The following OLAH variants were observed in gnomAD, a reference collection of about 807,000 sequenced individuals.
The protein encoded by OLAH is S-acyl fatty acid synthase thioesterase, medium chain.
Under a neutral mutation model 27.8 loss-of-function variants are expected in OLAH, and 33 were observed. The observed-to-expected ratio is 1.19, with a 90% confidence interval of 0.90 to 1.59. OLAH has a LOEUF of 1.59. OLAH is among the 40% of genes most tolerant of loss of function. The pLI is 0.00. For synonymous variants in OLAH, 120 were observed against 102.9 expected (o/e 1.17, Z -1.01); for missense variants, 359 against 310.8 (o/e 1.16, Z -1.17).
intron 3 of OLAH, among the ~76,000 whole-genome samples, chr10:15,054,332 C>G (rs761447959): frequency 2.6e-5 from 4 of 152,146 alleles, no homozygotes; most frequent in Non-Finnish European, 5.9e-5. Flanking sequence ...TGAGCCACCC[C>G]GCCTGGCCTT....
At chr10:15,058,605 G>T (rs1038193388) in intron 3 of OLAH, among the ~76,000 whole-genome samples, 4 of 151,954 alleles carry the variant, frequency 2.6e-5, no homozygotes, top group Non-Finnish European at 5.9e-5. Context: ...TGTTTAGTAA[G>T]AACTTCTGAG....
In OLAH at chr10:15,073,243, C is replaced by T; in HGVS notation, c.*14C>T. Reference sequence around the variant, plus strand: ...TCCAATTTTTAGATATTTTCCCTTTCACTTTTAAAATAATCAAAGTAATAT... The same window carrying T: ...TCCAATTTTTAGATATTTTCCCTTTTACTTTTAAAATAATCAAAGTAATAT... On this transcript the variant is annotated 3_prime_UTR_variant, in exon 8 of 8. Coordinates refer to ENST00000378228, the MANE Select transcript of OLAH (RefSeq NM_001039702.3). 12 of 1,514,986 alleles carry T rather than the reference C, an allele frequency of 7.9e-6. No homozygotes were observed. Among genetic ancestry groups the T allele is most frequent in the Non-Finnish European group, 1.0e-5 (11 of 1,100,400 alleles). 93.8% of individuals were successfully genotyped at this position (1,514,986 alleles called of 1,614,324 possible).
chr10:15,073,102 C>T lies in OLAH; in HGVS notation c.671C>T (p.Thr224Ile), dbSNP rs775335114. 5 of 1,612,722 alleles carry T rather than the reference C, an allele frequency of 3.1e-6. No homozygotes were observed. The African/African-American group carries it at 5.3e-5, about 17-fold the overall frequency. ...AKDMEAWKDVTSGNAKIYQLP... is the reference protein window; with the variant it reads ...AKDMEAWKDVISGNAKIYQLP... ...TTATTTTCAGCCTGGAAAGATGTAACCAGTGGAAATGCTAAAATTTACCAG... is the reference window on the plus strand; with the variant it reads ...TTATTTTCAGCCTGGAAAGATGTAATCAGTGGAAATGCTAAAATTTACCAG... The change falls in exon 8 of 8, where the codon ACC becomes ATC. Residue 224 changes from threonine (T) to isoleucine (I), a missense_variant. Thr to Ile is a moderately conservative substitution (Grantham distance 89). Transcript: ENST00000378228.
chr10:15,064,305 T>C, intron 4 of OLAH, 98 bp from the exon 5 acceptor site: 2 of 686,212 alleles, frequency 2.9e-6, no homozygotes, highest in Non-Finnish European at 2.6e-6. Flanking sequence ...TATTACATGA[T>C]CATTGTTGTG....
Position 15,056,002 on chromosome 10 carries a change from A to G in OLAH, c.164-5722A>G, listed in dbSNP as rs543897976. On this transcript the variant is annotated intron_variant, in intron 3 of 7. Coordinates refer to ENST00000378228, the MANE Select transcript of OLAH (RefSeq NM_001039702.3). ...GTATCTGGGATTATAGGCATGTACC[A>G]CTATGCCCAGCTAATTTTTGTATTT... 1.7e-3 allele frequency among the ~76,000 whole-genome samples: 258 copies of G among 152,062 alleles called. 1 individual carries two copies. Among genetic ancestry groups the G allele is most frequent in the African/African-American group, 5.5e-3 (228 of 41,492 alleles).
At chr10:15,051,419 A>G (rs947843326) in intron 3 of OLAH, among the ~76,000 whole-genome samples, 5 of 152,356 alleles carry the variant, frequency 3.3e-5, no homozygotes, top group African/African-American at 1.2e-4. Context: ...TCTGTGCTTC[A>G]TCTGAGAGGG....
chr10:15,061,748 G>GAGAA lies in OLAH; in HGVS notation c.191_194dup (p.Ser65ArgfsTer5). The GAGAA allele has an allele frequency of 6.2e-7, 1 of 1,612,942 alleles. No individual in the cohort carries two copies. Among genetic ancestry groups the GAGAA allele is most frequent in the Middle Eastern group, 1.7e-4 (1 of 6,056 alleles). On this transcript the variant is annotated frameshift_variant, in exon 4 of 8. Coordinates refer to ENST00000378228, the MANE Select transcript of OLAH (RefSeq NM_001039702.3). LOFTEE classifies it high-confidence loss of function. ...GTGCACTCCTTAAGGCTTCCTGGAAGAGAAAGCAGAGTTGAAGAACCTCTT... is the reference window on the plus strand; with the variant it reads ...GTGCACTCCTTAAGGCTTCCTGGAAGAGAAAGAAAGCAGAGTTGAAGAACCTCTT...
rs115647387 is a variant in OLAH at position 15,061,319 on chromosome 10, A to T, written c.164-405A>T. ...AGGGTTTCTTAGCTTTGTGTAAAGG[A>T]CTCAGTTCTAACTCTCAAATTTAAT... On this transcript the variant is annotated intron_variant, in intron 3 of 7. Transcript: ENST00000378228. Among the ~76,000 whole-genome samples, 456 of 152,228 alleles carry T rather than the reference A, an allele frequency of 3.0e-3. 2 individuals are homozygous for T. The highest frequency in any genetic ancestry group is 0.011 in the African/African-American group (440 of 41,538).
Position 15,064,515 on chromosome 10 carries a change from G to C in OLAH, c.402+13G>C. ...AACTCCTGTACATGTAAGTAATTTA[G>C]CTTTTTCCTAGGAAGGGCAGTGGAG... On this transcript the variant is annotated intron_variant, in intron 5 of 7. Transcript: ENST00000378228. 6.6e-7 allele frequency: 1 copy of C among 1,505,984 alleles called. No individual in the cohort carries two copies. Among genetic ancestry groups the C allele is most frequent in the Non-Finnish European group, 9.0e-7 (1 of 1,110,502 alleles). 93.3% of individuals were successfully genotyped at this position (1,505,984 alleles called of 1,614,324 possible).
intron 4 of OLAH, among the ~76,000 whole-genome samples, chr10:15,063,041 A>G (rs773407031): frequency 2.7e-4 from 41 of 152,274 alleles, no homozygotes; most frequent in Middle Eastern, 6.8e-3. Flanking sequence ...ACCCAGCCCA[A>G]TGAACATTCT....
At chr10:15,044,222 C>A (rs1843972480) in intron 1 of OLAH, among the ~76,000 whole-genome samples, 1 of 151,950 alleles carries the variant, frequency 6.6e-6, no homozygotes, top group Admixed American at 6.6e-5. Context: ...TTTCCCTTGC[C>A]TTTTCTCAGT....
intron 1 of OLAH, among the ~76,000 whole-genome samples, chr10:15,036,224 G>C (rs561241024): frequency 2.0e-5 from 3 of 151,966 alleles, no homozygotes; most frequent in Non-Finnish European, 4.4e-5. Flanking sequence ...GGAGCCAGGC[G>C]TGGTGACTCA....
intron 1 of OLAH, among the ~76,000 whole-genome samples, chr10:15,034,063 G>T (rs555644150): frequency 6.6e-6 from 1 of 151,420 alleles, no homozygotes; most frequent in African/African-American, 2.4e-5. Flanking sequence ...AGAAAGAGGT[G>T]GGGGAAGGAA....
chr10:15,045,917 G>C (rs906307920), intron 1 of OLAH, among the ~76,000 whole-genome samples: 2 of 152,130 alleles, frequency 1.3e-5, no homozygotes, highest in African/African-American at 4.8e-5. Flanking sequence ...TGTAATTCCA[G>C]CTACTTGGGA....
chr10:15,046,380 T>C (rs1844018340), intron 1 of OLAH, among the ~76,000 whole-genome samples: 1 of 152,182 alleles, frequency 6.6e-6, no homozygotes, highest in African/African-American at 2.4e-5. Context: ...GTTATTTTTC[T>C]TCTCTTTTCT....
chr10:15,062,473 G>A (rs1275118097), intron 4 of OLAH, among the ~76,000 whole-genome samples: 1 of 151,776 alleles, frequency 6.6e-6, no homozygotes, highest in African/African-American at 2.4e-5. Context: ...TAGTTCCTTA[G>A]TATTTTTACA....
chr10:15,035,190 A>G (rs1201053709), intron 1 of OLAH, among the ~76,000 whole-genome samples: 3 of 152,186 alleles, frequency 2.0e-5, no homozygotes, highest in African/African-American at 7.2e-5. Flanking sequence ...ATAGAGAAGC[A>G]AAGTTAGAGA....
At chr10:15,069,041 A>G (rs1490000043) in intron 6 of OLAH, among the ~76,000 whole-genome samples, 1 of 152,068 alleles carries the variant, frequency 6.6e-6, no homozygotes, top group African/African-American at 2.4e-5. Context: ...TGCCCTCCCC[A>G]ATGTAGACAG....
At chr10:15,034,698 T>C (rs182277806) in intron 1 of OLAH, among the ~76,000 whole-genome samples, 102 of 152,282 alleles carry the variant, frequency 6.7e-4, no homozygotes, top group African/African-American at 2.3e-3. Context: ...GAGCTCACGG[T>C]GGGTTCCACT....
Sources: allele counts gnomAD v4.1 joint callset (sites outside exome capture counted in the v4.1 genomes callset), GRCh38; gene constraint gnomAD v4.1.1; transcripts MANE v1.5; gene names NCBI Gene and HGNC (gene_info 2026-07-23, HGNC 2026-07-21).